Variants in HMCN1 observed in about 807,000 individuals in gnomAD.
HMCN1 encodes the protein hemicentin 1.
A neutral mutation model predicts 625.9 loss-of-function variants in HMCN1; 321 were observed. The observed-to-expected ratio is 0.51, with a 90% confidence interval of 0.47 to 0.56. HMCN1 has a LOEUF of 0.56. Ranked by LOEUF, HMCN1 falls within the 20% of genes least tolerant of loss-of-function variation. HMCN1 has a pLI of 0.00. For missense variants in HMCN1, 6,588 were observed against 6,887.3 expected (o/e 0.96, Z 1.54); for synonymous variants, 2,425 against 2,417.6 (o/e 1.00, Z -0.09).
chr1:185,953,966 T>G (rs1008645080), intron 11 of HMCN1, among the ~76,000 whole-genome samples: 2 of 139,538 alleles, frequency 1.4e-5, no homozygotes, highest in Admixed American at 7.3e-5. Context: ...GGAGTGGGGG[T>G]CGCAAGGTGC....
rs1187632135 is a variant in HMCN1, at chr1:185,887,677, T to G, written c.622-21660T>G. Among the ~76,000 whole-genome samples the G allele has an allele frequency of 1.9e-4, 27 of 144,912 alleles. No homozygotes were observed. In the South Asian group the frequency reaches 5.6e-3, roughly 30 times the overall value. ...ACTGCATAGTATTCCATGGTGTATA[T>G]GTGCCACATTTTCTTAATCCAGTCT... is the stretch of plus-strand genomic sequence containing the variant. On this transcript the variant is annotated intron_variant, in intron 4 of 106. Transcript: ENST00000271588.
intron 6 of HMCN1, among the ~76,000 whole-genome samples, chr1:185,914,718 G>T (rs759984742): frequency 4.0e-5 from 6 of 151,558 alleles, no homozygotes; most frequent in Non-Finnish European, 8.8e-5. Flanking sequence ...AACTTTGTCA[G>T]ATTTTTTTTT....
At chr1:186,139,818 C>G (rs1005660689) in intron 89 of HMCN1, among the ~76,000 whole-genome samples, 4 of 152,034 alleles carry the variant, frequency 2.6e-5, no homozygotes, top group Non-Finnish European at 4.4e-5. Context: ...ATTAGCGATG[C>G]TACAAGTTTT....
At chr1:186,127,889 T>C (rs1426115707) in intron 82 of HMCN1, among the ~76,000 whole-genome samples, 189 bp from the exon 83 acceptor site, 1 of 152,206 alleles carries the variant, frequency 6.6e-6, no homozygotes, top group East Asian at 1.9e-4. Context: ...TATGGGCTTA[T>C]GTTTAAACTT....
At chr1:185,794,609 T>G (rs1658241511) in intron 1 of HMCN1, among the ~76,000 whole-genome samples, 2 of 146,738 alleles carry the variant, frequency 1.4e-5, no homozygotes, top group Non-Finnish European at 3.0e-5. Flanking sequence ...ACATTTTTTT[T>G]TTTTTTTTTT....
At chr1:186,123,250 C>T (rs368696940) in intron 81 of HMCN1, 30 bp downstream of exon 81, 4 of 1,601,226 alleles carry the variant, frequency 2.5e-6, no homozygotes, top group Non-Finnish European at 3.4e-6. Flanking sequence ...TTATTTTAGT[C>T]TGCTGCACTA....
intron 82 of HMCN1, among the ~76,000 whole-genome samples, chr1:186,127,419 G>A (rs1039361948): frequency 6.6e-6 from 1 of 152,040 alleles, no homozygotes; most frequent in Admixed American, 6.6e-5. Context: ...CAGAGGTTGA[G>A]CCTTCTCGCT....
At chr1:186,162,126 C>A (rs1478275424) in intron 97 of HMCN1, among the ~76,000 whole-genome samples, 3 of 152,066 alleles carry the variant, frequency 2.0e-5, no homozygotes, top group African/African-American at 7.2e-5. Flanking sequence ...TCTTTTTATT[C>A]TTTTTTCTCT....
rs749096823 is a variant in HMCN1 at position 185,994,871 on chromosome 1, G to A, written c.3562G>A (p.Val1188Met). 6.8e-6 allele frequency: 11 copies of A among 1,613,670 alleles called. No individual in the cohort carries two copies. In the African/African-American group the frequency reaches 1.3e-4, roughly 20 times the overall value. Residue 1188 changes from valine to methionine, a missense_variant, in exon 24 of 107, where the codon GTG becomes ATG. Val to Met is a conservative substitution (Grantham distance 21). Coordinates refer to ENST00000271588, the MANE Select transcript of HMCN1 (RefSeq NM_031935.3). ...TCTCAAAGTCCAAGTTGGTCAAAGA[G>A]TGGATATTCCATGTAATGCTCAAGG... The part of the protein sequence containing the change: ...KHLKVQVGQR[V>M]DIPCNAQGTP...
intron 1 of HMCN1, among the ~76,000 whole-genome samples, chr1:185,779,489 T>G (rs1489618679): frequency 2.0e-5 from 3 of 152,228 alleles, no homozygotes; most frequent in Non-Finnish European, 4.4e-5. Flanking sequence ...GGTCTAACAT[T>G]TAAGTCTTTA....
At chr1:185,936,123 G>C (rs927056801) in intron 11 of HMCN1, among the ~76,000 whole-genome samples, 2 of 152,054 alleles carry the variant, frequency 1.3e-5, no homozygotes, top group Non-Finnish European at 2.9e-5. Flanking sequence ...GCTTCCACTG[G>C]TGTGTTTGGG....
At chr1:186,135,468 T>C (rs1405865580) in intron 86 of HMCN1, among the ~76,000 whole-genome samples, 7 of 152,324 alleles carry the variant, frequency 4.6e-5, no homozygotes, top group Non-Finnish European at 2.9e-5. Context: ...CTCACACATA[T>C]ATATTTCTTG....
intron 36 of HMCN1, among the ~76,000 whole-genome samples, chr1:186,035,000 G>A (rs144840127): frequency 1.3e-5 from 2 of 152,082 alleles, no homozygotes; most frequent in African/African-American, 2.4e-5. Context: ...TTGCAGCAGC[G>A]ACATAGTCTG....
At chr1:186,010,056 G>A (rs983699823) in intron 30 of HMCN1, among the ~76,000 whole-genome samples, 7 of 152,052 alleles carry the variant, frequency 4.6e-5, no homozygotes, top group East Asian at 3.9e-4. Context: ...ATGCTTGCTC[G>A]TCCGTCACCT....
At chr1:186,127,171 A>C (rs1378346071) in intron 82 of HMCN1, among the ~76,000 whole-genome samples, 1 of 152,140 alleles carries the variant, frequency 6.6e-6, no homozygotes, top group Non-Finnish European at 1.5e-5. Flanking sequence ...CAGGTGGTAC[A>C]GGAAGGGGCC....
chr1:186,066,625 C>G (rs1658133270), intron 49 of HMCN1, among the ~76,000 whole-genome samples: 2 of 152,200 alleles, frequency 1.3e-5, no homozygotes, highest in Non-Finnish European at 2.9e-5. Flanking sequence ...CTGTCTGACA[C>G]TACTCTGGCA....
intron 85 of HMCN1, among the ~76,000 whole-genome samples, chr1:186,131,915 T>C (rs1038197879): frequency 6.6e-6 from 1 of 152,180 alleles, no homozygotes; most frequent in Admixed American, 6.6e-5. Context: ...TAATCCCCAT[T>C]AGAAAGGACT....
At chr1:185,869,469 G>C (rs1663472175) in intron 4 of HMCN1, among the ~76,000 whole-genome samples, 1 of 152,082 alleles carries the variant, frequency 6.6e-6, no homozygotes, top group African/African-American at 2.4e-5. Context: ...TTAAAGTGGG[G>C]AAAACTGTGC....
intron 40 of HMCN1, among the ~76,000 whole-genome samples, chr1:186,045,025 CTCT>C (rs577164060): frequency 4.9e-4 from 75 of 152,214 alleles, no homozygotes; most frequent in African/African-American, 1.8e-3. Flanking sequence ...CTACTCATTC[CTCT>C]TCTTATGTAA....
Sources: allele counts gnomAD v4.1 joint callset (sites outside exome capture counted in the v4.1 genomes callset), GRCh38; gene constraint gnomAD v4.1.1; transcripts MANE v1.5; gene names NCBI Gene and HGNC (gene_info 2026-07-23, HGNC 2026-07-21).